The following HIVEP1 variants were observed in gnomAD, a reference collection of about 807,000 sequenced individuals.
The protein encoded by HIVEP1 is HIVEP zinc finger 1, also known as zinc finger protein 40.
In HIVEP1, 36 loss-of-function variants were observed where a neutral mutation model predicts 180.0. The observed-to-expected ratio is 0.20, with a 90% CI of 0.15 to 0.26. The LOEUF (loss-of-function observed/expected upper bound fraction) is 0.26. Ranked by LOEUF, HIVEP1 falls within the 10% of genes least tolerant of loss-of-function variation. HIVEP1 has a pLI of 1.00. For synonymous variants in HIVEP1, 1,239 were observed against 1,239.0 expected (o/e 1.00, Z 0.00); for missense variants, 3,143 against 3,268.7 (o/e 0.96, Z 0.94).
At chr6:12,094,441 T>G (rs1773670115) in intron 3 of HIVEP1, among the ~76,000 whole-genome samples, 1 of 152,014 alleles carries the variant, frequency 6.6e-6, no homozygotes, top group South Asian at 2.1e-4. Flanking sequence ...GTTTGCTATC[T>G]TTTTTTGTGG....
chr6:12,065,591 CTG>C (rs1231912081), intron 2 of HIVEP1, among the ~76,000 whole-genome samples: 1 of 152,088 alleles, frequency 6.6e-6, no homozygotes, highest in Non-Finnish European at 1.5e-5. Context: ...CTGACGGGCT[CTG>C]TGAATTCGCT....
In HIVEP1 at chr6:12,022,314, G is replaced by A. The variant is rs1768285874; in HGVS notation, c.40+6646G>A. On this transcript the variant is annotated intron_variant, in intron 2 of 8. Coordinates refer to ENST00000379388, the MANE Select transcript of HIVEP1 (RefSeq NM_002114.4). ...GCCTCCTGAGTAGCTGGGACTACAG[G>A]CTCCTGCCACCGCACCCAGCTAATT... Among the ~76,000 whole-genome samples, 4 of 152,000 alleles carry A rather than the reference G, an allele frequency of 2.6e-5. No individual in the cohort carries two copies. In the South Asian group the frequency reaches 6.2e-4, roughly 24 times the overall value.
chr6:12,147,316 TTGAG>T (rs1428796339), intron 7 of HIVEP1, among the ~76,000 whole-genome samples: 4 of 152,348 alleles, frequency 2.6e-5, no homozygotes, highest in African/African-American at 4.8e-5. Flanking sequence ...GATAGGATTC[TTGAG>T]TATTTTAATT....
At chr6:12,133,710 C>T (rs1049215702) in intron 6 of HIVEP1, among the ~76,000 whole-genome samples, 2 of 152,098 alleles carry the variant, frequency 1.3e-5, no homozygotes, top group Admixed American at 6.5e-5. Context: ...GGGCCAGGTG[C>T]GGTGGCTCAC....
At position 12,015,649 on chromosome 6, in the gene HIVEP1, T is replaced by G. The variant is rs754639991; in HGVS notation, c.21T>G (p.Ile7Met). The change falls in exon 2 of 9, where the codon ATT becomes ATG. Residue 7 changes from isoleucine (I) to methionine (M), a missense_variant. By Grantham distance (10) the Ile-to-Met change is conservative. This residue lies in a region of HIVEP1 where 114 missense variants were observed against 134.5 expected (regional missense o/e 0.85). Transcript: ENST00000379388. MPRTKQ[I>M]HPRNLRDKIE... ...AGAAGATGCCTCGAACTAAACAAATTCATCCCAGAAATCTAAGAGGTAAAG... is the reference window on the plus strand; with the variant it reads ...AGAAGATGCCTCGAACTAAACAAATGCATCCCAGAAATCTAAGAGGTAAAG... The G allele has an allele frequency of 6.2e-7, 1 of 1,613,758 alleles. No individual in the cohort carries two copies. Among genetic ancestry groups the G allele is most frequent in the Non-Finnish European group, 8.5e-7 (1 of 1,179,780 alleles).
At chr6:12,170,484 G>A in the HIVEP1 span, among the ~76,000 whole-genome samples, 5 of 152,144 alleles carry the variant, frequency 3.3e-5, no homozygotes, top group African/African-American at 9.7e-5. Flanking sequence ...TTATCTCTTC[G>A]TTTTATAGGT....
At chr6:12,178,654 G>T in the HIVEP1 span, among the ~76,000 whole-genome samples, 1 of 152,138 alleles carries the variant, frequency 6.6e-6, no homozygotes, top group Admixed American at 6.6e-5. Context: ...GCAGAGGGAG[G>T]TCTGAGTTGA....
chr6:12,118,793 T>C (rs1775379275), intron 3 of HIVEP1, among the ~76,000 whole-genome samples: 1 of 152,254 alleles, frequency 6.6e-6, no homozygotes. Flanking sequence ...TTCATTGATA[T>C]AATTGCTACA....
At chr6:12,091,402 G>T (rs759587254) in intron 3 of HIVEP1, among the ~76,000 whole-genome samples, 1 of 151,982 alleles carries the variant, frequency 6.6e-6, no homozygotes, top group Non-Finnish European at 1.5e-5. Context: ...CTCCATTAAA[G>T]GTTCTGTGGT....
chr6:12,023,279 G>C (rs547755819), intron 2 of HIVEP1, among the ~76,000 whole-genome samples: 8 of 151,812 alleles, frequency 5.3e-5, no homozygotes, highest in African/African-American at 1.9e-4. Flanking sequence ...AAAATCTTAC[G>C]TTTACTTGTT....
At chr6:12,030,646 A>G (rs147118128) in intron 2 of HIVEP1, among the ~76,000 whole-genome samples, 38 of 152,262 alleles carry the variant, frequency 2.5e-4, no homozygotes, top group East Asian at 5.8e-4. Flanking sequence ...AATAATTTCT[A>G]TCACTTTATT....
At chr6:12,089,285 C>T in intron 3 of HIVEP1, 48 bp downstream of exon 3, 1 of 1,014,128 alleles carries the variant, frequency 9.9e-7, no homozygotes, top group Non-Finnish European at 1.5e-6. Context: ...GCAATGATGC[C>T]TATACATATA....
At chr6:12,186,561 A>AAAAG in the HIVEP1 span, among the ~76,000 whole-genome samples, 1 of 149,590 alleles carries the variant, frequency 6.7e-6, no homozygotes, top group Admixed American at 6.7e-5. Flanking sequence ...AAAAAAAAAA[A>AAAAG]GGCGTATACT....
downstream of HIVEP1, among the ~76,000 whole-genome samples, chr6:12,168,234 T>TATATAC (rs1760797935): frequency 7.7e-6 from 1 of 129,740 alleles, no homozygotes; most frequent in African/African-American, 3.0e-5. Flanking sequence ...ATTATATACA[T>TATATAC]ATATATTATA....
intron 2 of HIVEP1, among the ~76,000 whole-genome samples, chr6:12,048,262 G>A (rs564177404): frequency 2.0e-5 from 3 of 152,344 alleles, no homozygotes; most frequent in East Asian, 3.9e-4. Context: ...CGCCGTCCGC[G>A]GCAGCAGGGT....
the HIVEP1 span, among the ~76,000 whole-genome samples, chr6:12,189,982 T>C: frequency 6.6e-6 from 1 of 152,228 alleles, no homozygotes; most frequent in East Asian, 1.9e-4. Flanking sequence ...TGTTGTGTTG[T>C]GTTGTATTGA....
At chr6:12,119,824 C>A (rs1266789126) in intron 3 of HIVEP1, 66 bp from the exon 4 acceptor site, 3 of 1,043,760 alleles carry the variant, frequency 2.9e-6, no homozygotes, top group East Asian at 2.5e-5. Context: ...TCTTAATTTT[C>A]AAAAAATTAT....
chr6:12,158,791 C>T (rs893398894), intron 7 of HIVEP1, among the ~76,000 whole-genome samples: 3 of 152,152 alleles, frequency 2.0e-5, no homozygotes, highest in African/African-American at 2.4e-5. Context: ...CAGTGCGTGC[C>T]GCCCTTCTCC....
rs370931776 is a variant in HIVEP1, at chr6:12,120,431, A to G, written c.636A>G (p.Gln212=). The G allele has an allele frequency of 1.9e-4, 308 of 1,614,068 alleles. No individual in the cohort carries two copies. Among genetic ancestry groups the G allele is most frequent in the Non-Finnish European group, 2.5e-4 (300 of 1,180,048 alleles). ...AMEPELSTLS[Q]KGSPCAIKTE... ...AGCCAGAACTGAGCACCTTGTCACA[A>G]AAGGGCTCACCTTGTGCAATTAAGA... Residue 212 remains glutamine (Q), a synonymous_variant, in exon 4 of 9, where the codon CAA becomes CAG. Coordinates refer to ENST00000379388, the MANE Select transcript of HIVEP1 (RefSeq NM_002114.4).
Sources: allele counts gnomAD v4.1 joint callset (sites outside exome capture counted in the v4.1 genomes callset), GRCh38; gene constraint gnomAD v4.1.1; regional missense constraint gnomAD v4.1.1; transcripts MANE v1.5; gene names NCBI Gene and HGNC (gene_info 2026-07-23, HGNC 2026-07-21).